Variants in DMD observed in about 807,000 individuals in gnomAD.
The protein encoded by DMD is mutant dystrophin.
Under a neutral mutation model 330.1 loss-of-function variants are expected in DMD, and 63 were observed. The observed-to-expected ratio is 0.19, with a 90% confidence interval of 0.16 to 0.24. DMD has a LOEUF of 0.24. DMD is among the 10% of genes least tolerant of loss of function. The pLI is 1.00. For synonymous variants in DMD, 1,223 were observed against 959.8 expected, an observed-to-expected ratio of 1.27 and a Z score of -5.07; for missense variants, 3,344 against 2,684.1, an observed-to-expected ratio of 1.25 and a Z score of -5.43.
At chrX:33,251,282 C>T (rs182485750) in intron 1 of DMD, among the ~76,000 whole-genome samples, 22 of 111,851 alleles carry the variant, frequency 2.0e-4, no homozygotes, top group African/African-American at 6.8e-4. Context: ...TCTAAAAATG[C>T]ATTTCTTTCT....
At chrX:32,100,517 T>G (rs2096534921) in intron 44 of DMD, among the ~76,000 whole-genome samples, 2 of 110,358 alleles carry the variant, frequency 1.8e-5, no homozygotes, top group South Asian at 7.7e-4. Flanking sequence ...CCACAATTGT[T>G]TTTTAGATTT....
Position 31,629,238 on chromosome X carries a change from A to C in DMD, c.8028-1376T>G, listed in dbSNP as rs773989355. Reference sequence around the variant, plus strand: ...ATTGTCAATAATTATGCAAAACTGCAATTTATTTCAGCAGCAACTTTATCA... The same window carrying C: ...ATTGTCAATAATTATGCAAAACTGCCATTTATTTCAGCAGCAACTTTATCA... On this transcript the variant is annotated intron_variant, in intron 54 of 78. Transcript: ENST00000357033. Among the ~76,000 whole-genome samples, 4 of 111,980 alleles carry C rather than the reference A, an allele frequency of 3.6e-5. No homozygotes were observed. In the South Asian group the frequency reaches 1.5e-3, roughly 42 times the overall value.
intron 44 of DMD, among the ~76,000 whole-genome samples, chrX:32,034,496 A>T: frequency 8.9e-6 from 1 of 111,813 alleles, no homozygotes; most frequent in Non-Finnish European, 1.9e-5. Context: ...TTTTAGCTAA[A>T]ATGTATCATT....
At chrX:32,418,837 G>C (rs1276743731) in intron 29 of DMD, among the ~76,000 whole-genome samples, 2 of 108,153 alleles carry the variant, frequency 1.8e-5, no homozygotes, top group Non-Finnish European at 3.8e-5. Flanking sequence ...GCCTGGCATG[G>C]TGGCAGGCGC....
rs2068187657 is a variant in DMD, at chrX:31,480,554, T to TGTGTG, written c.8548-1452_8548-1451insCACAC. ...GATATTTCACTTGAAATCTCCATGT[T>TGTGTG]TGTGTGTGTGTGTGTGTGTGTGTGT... On this transcript the variant is annotated intron_variant, in intron 57 of 78. Coordinates refer to ENST00000357033, the MANE Select transcript of DMD (RefSeq NM_004006.3). 5.7e-4 allele frequency among the ~76,000 whole-genome samples: 52 copies of TGTGTG among 91,343 alleles called. No homozygotes were observed. In the East Asian group the frequency reaches 0.011, roughly 20 times the overall value. The allele number at this position is 91,343 out of a possible 115,157, so 79.3% of individuals were successfully genotyped here. A position where few individuals can be genotyped will look rare whatever the true frequency, so the allele number is the denominator to read the frequency against.
intron 60 of DMD, among the ~76,000 whole-genome samples, chrX:31,422,783 T>G (rs2063512996): frequency 9.0e-6 from 1 of 111,717 alleles, no homozygotes; most frequent in African/African-American, 3.3e-5. Flanking sequence ...AGAATTCATG[T>G]GAGGCAAAAG....
Position 32,342,362 on chromosome X carries a change from C to T in DMD, c.5740-80G>A. ...ACTTGCAAGCAGCAAATACTTCTCT[C>T]AAAATTTCAAAGGCTGTTGTCCCTT... is the stretch of plus-strand genomic sequence containing the variant. On this transcript the variant is annotated intron_variant, in intron 40 of 78. Transcript: ENST00000357033. The T allele has an allele frequency of 2.9e-6, 3 of 1,029,655 alleles. No homozygotes were observed. The Admixed American group carries it at 7.2e-5, about 25-fold the overall frequency. The allele number at this position is 1,029,655 out of a possible 1,213,427, so 84.9% of individuals were successfully genotyped here.
intron 44 of DMD, among the ~76,000 whole-genome samples, chrX:32,131,796 G>T (rs2096696418): frequency 8.9e-6 from 1 of 112,127 alleles, no homozygotes; most frequent in South Asian, 3.8e-4. Context: ...AATAAAGTAA[G>T]CCAATGGCCA....
chrX:31,185,388 G>A (rs553158281), intron 67 of DMD, among the ~76,000 whole-genome samples: 1 of 110,997 alleles, frequency 9.0e-6, no homozygotes, highest in East Asian at 2.8e-4. Flanking sequence ...CCCCCTCTCT[G>A]CCCCACATCT....
chrX:32,800,207 A>G (rs1291031376), intron 7 of DMD, among the ~76,000 whole-genome samples: 1 of 112,031 alleles, frequency 8.9e-6, no homozygotes, highest in East Asian at 2.8e-4. Context: ...CATAAGCTAC[A>G]GAACCAATAT....
Position 32,407,327 on chromosome X carries a change from A to T in DMD, c.4233+4425T>A, listed in dbSNP as rs188936872. On this transcript the variant is annotated intron_variant, in intron 30 of 78. Transcript: ENST00000357033. The stretch of plus-strand genomic sequence containing the variant: ...ACAAGTGGGTGAAGGATATGAACAG[A>T]CACTTCTCAAAAGAAGACATTTATG... Among the ~76,000 whole-genome samples the T allele has an allele frequency of 1.2e-4, 14 of 112,015 alleles. No individual in the cohort carries two copies. The East Asian group carries it at 3.4e-3, about 27-fold the overall frequency.
At chrX:32,589,632 T>G (rs1439332756) in intron 13 of DMD, among the ~76,000 whole-genome samples, 1 of 111,469 alleles carries the variant, frequency 9.0e-6, no homozygotes, top group Non-Finnish European at 1.9e-5. Flanking sequence ...AGTCAGACCC[T>G]TTGTATCTCA....
At chrX:31,238,724 C>T (rs185422225) in intron 63 of DMD, among the ~76,000 whole-genome samples, 393 of 112,159 alleles carry the variant, frequency 3.5e-3, no homozygotes, top group Non-Finnish European at 5.9e-3. Flanking sequence ...CGCTACAGAA[C>T]AAATGTCTTT....
intron 1 of DMD, among the ~76,000 whole-genome samples, chrX:33,058,557 C>T (rs1358710263): frequency 9.1e-6 from 1 of 110,207 alleles, no homozygotes; most frequent in Non-Finnish European, 1.9e-5. Flanking sequence ...CCCACTTTGG[C>T]CTCCCAAAGT....
intron 2 of DMD, among the ~76,000 whole-genome samples, chrX:33,018,867 G>A (rs1450307421): frequency 9.3e-6 from 1 of 107,218 alleles, no homozygotes; most frequent in African/African-American, 3.4e-5. Context: ...CTATATTTGT[G>A]TTGTTATATT....
At chrX:31,194,141 C>T (rs1410450539) in intron 67 of DMD, among the ~76,000 whole-genome samples, 1 of 111,318 alleles carries the variant, frequency 9.0e-6, no homozygotes, top group Non-Finnish European at 1.9e-5. Context: ...GATTGCGCCA[C>T]TGCACTCCAG....
intron 2 of DMD, among the ~76,000 whole-genome samples, chrX:32,980,871 T>C (rs182402898): frequency 8.9e-6 from 1 of 111,861 alleles, no homozygotes; most frequent in East Asian, 2.8e-4. Context: ...GCATTAAGTC[T>C]TCTTATTATG....
At chrX:31,389,053 T>A (rs2060585255) in intron 60 of DMD, among the ~76,000 whole-genome samples, 2 of 112,573 alleles carry the variant, frequency 1.8e-5, no homozygotes, top group African/African-American at 6.4e-5. Flanking sequence ...CCAACTTCTT[T>A]TACTAGGAAA....
At chrX:31,957,619 C>T (rs979459673) in intron 45 of DMD, among the ~76,000 whole-genome samples, 2 of 111,223 alleles carry the variant, frequency 1.8e-5, no homozygotes, top group East Asian at 2.8e-4. Flanking sequence ...ATTTTACAAA[C>T]GATTTTTAAA....
Sources: allele counts gnomAD v4.1 joint callset (sites outside exome capture counted in the v4.1 genomes callset), GRCh38; gene constraint gnomAD v4.1.1; transcripts MANE v1.5; gene names NCBI Gene and HGNC (gene_info 2026-07-23, HGNC 2026-07-21).